Variants in COL23A1 observed in about 807,000 individuals in gnomAD.
COL23A1 encodes the protein collagen type XXIII alpha 1 chain, also known as collagen alpha-1(XXIII) chain.
COL23A1 carries 97 observed loss-of-function variants against 99.3 expected under a neutral mutation model. The ratio of observed to expected loss-of-function variants is 0.98; its 90% confidence interval spans 0.83 to 1.16. The LOEUF (loss-of-function observed/expected upper bound fraction) is 1.16, where lower values mean the gene tolerates loss of function less well. COL23A1 is among the 50% of genes most tolerant of loss of function. COL23A1 has a pLI of 0.00. For synonymous variants in COL23A1, 320 were observed against 308.2 expected, an observed-to-expected ratio of 1.04 and a Z score of -0.40; for missense variants, 762 against 757.4, an observed-to-expected ratio of 1.01 and a Z score of -0.07.
chr5:178,267,869 A>C (rs1028111770), intron 7 of COL23A1, among the ~76,000 whole-genome samples: 1 of 152,174 alleles, frequency 6.6e-6, no homozygotes, highest in Non-Finnish European at 1.5e-5. Context: ...TGAGACCATG[A>C]CCTCATGCAA....
At chr5:178,371,951 T>C (rs1241073688) in intron 2 of COL23A1, among the ~76,000 whole-genome samples, 4 of 152,216 alleles carry the variant, frequency 2.6e-5, no homozygotes, top group African/African-American at 9.6e-5. Context: ...AAAGAAAAAT[T>C]GAGCCTGGCC....
chr5:178,542,139 TCA>T (rs1191667325), intron 2 of COL23A1, among the ~76,000 whole-genome samples: 8 of 152,166 alleles, frequency 5.3e-5, no homozygotes, highest in Admixed American at 2.6e-4. Flanking sequence ...TTCTCGAGCC[TCA>T]GTCTCCCGAG....
chr5:178,445,082 A>G (rs1767085598), intron 2 of COL23A1, among the ~76,000 whole-genome samples: 4 of 152,244 alleles, frequency 2.6e-5, no homozygotes, highest in African/African-American at 7.2e-5. Context: ...ATTTGATTTA[A>G]ACACAGACTA....
At chr5:178,411,609 G>A (rs76301396) in intron 2 of COL23A1, among the ~76,000 whole-genome samples, 11,564 of 152,276 alleles carry the variant, frequency 0.076, 570 homozygotes, top group African/African-American at 0.12. Context: ...GCAGACTGGT[G>A]GTTCCCAGGA....
chr5:178,370,315 T>C (rs1048330570), intron 2 of COL23A1, among the ~76,000 whole-genome samples: 1 of 152,212 alleles, frequency 6.6e-6, no homozygotes, highest in Non-Finnish European at 1.5e-5. Context: ...GTATACACAA[T>C]GGAATACTAT....
chr5:178,530,516 CACTT>C (rs1760586357), intron 2 of COL23A1, among the ~76,000 whole-genome samples: 1 of 152,166 alleles, frequency 6.6e-6, no homozygotes, highest in South Asian at 2.1e-4. Flanking sequence ...CAGACAGAAT[CACTT>C]GCTTCTAATG....
intron 2 of COL23A1, among the ~76,000 whole-genome samples, chr5:178,449,623 C>T (rs762566064): frequency 1.3e-5 from 2 of 151,838 alleles, no homozygotes; most frequent in South Asian, 2.1e-4. Flanking sequence ...AGAACTGTCC[C>T]GGACTAAACA....
chr5:178,299,115 T>C (rs1049159054), intron 3 of COL23A1, among the ~76,000 whole-genome samples: 5 of 152,240 alleles, frequency 3.3e-5, no homozygotes, highest in Non-Finnish European at 7.3e-5. Flanking sequence ...CTATAGTTTC[T>C]TTTTTTGTGA....
chr5:178,568,605 G>C (rs964998299), intron 1 of COL23A1, among the ~76,000 whole-genome samples: 1 of 152,110 alleles, frequency 6.6e-6, no homozygotes, highest in African/African-American at 2.4e-5. Context: ...CCTAACCCCA[G>C]CTCCTGCAAC....
At chr5:178,429,992 G>C (rs1388319557) in intron 2 of COL23A1, among the ~76,000 whole-genome samples, 3 of 152,112 alleles carry the variant, frequency 2.0e-5, no homozygotes, top group South Asian at 2.1e-4. Context: ...GTCCAGGCAG[G>C]CTCTGGAGTC....
At position 178,367,118 on chromosome 5, in the gene COL23A1, G is replaced by A. The variant is rs1762525377; in HGVS notation, c.362-60199C>T. Among the ~76,000 whole-genome samples, 3 of 152,208 alleles carry A rather than the reference G, an allele frequency of 2.0e-5. No homozygotes were observed. In the South Asian group the frequency reaches 6.2e-4, roughly 31 times the overall value. On this transcript the variant is annotated intron_variant, in intron 2 of 28. Transcript: ENST00000390654. ...ACAAAATTCAGTTGCGGTCACGTCA[G>A]ACATTTCCTTTAGCCAAATCGTTAT...
chr5:178,326,772 T>C (rs1020973887), intron 2 of COL23A1, among the ~76,000 whole-genome samples: 2 of 152,342 alleles, frequency 1.3e-5, no homozygotes, highest in South Asian at 2.1e-4. Context: ...CAGGCTGGAG[T>C]GCAGTGGCGC....
intron 3 of COL23A1, among the ~76,000 whole-genome samples, chr5:178,303,013 T>C (rs1758154827): frequency 6.6e-6 from 1 of 152,212 alleles, no homozygotes; most frequent in African/African-American, 2.4e-5. Context: ...GTTTGTTTGT[T>C]TTTTCCTGAC....
intron 21 of COL23A1, 93 bp downstream of exon 21, chr5:178,247,682 C>T: frequency 3.9e-6 from 6 of 1,550,548 alleles, no homozygotes; most frequent in Middle Eastern, 1.7e-4. Flanking sequence ...AAGAAGCCCG[C>T]TCTCTCCTGG....
At chr5:178,465,352 C>G (rs907974504) in intron 2 of COL23A1, among the ~76,000 whole-genome samples, 1 of 152,132 alleles carries the variant, frequency 6.6e-6, no homozygotes, top group African/African-American at 2.4e-5. Flanking sequence ...TTAGCGTGAC[C>G]GGACTCCCTA....
chr5:178,546,283 G>A (rs1761575175), intron 2 of COL23A1, among the ~76,000 whole-genome samples: 2 of 152,150 alleles, frequency 1.3e-5, no homozygotes, highest in South Asian at 4.1e-4. Context: ...TCCCGTTCCT[G>A]CCTAAATTCC....
In COL23A1 at chr5:178,322,072, A is replaced by G. The variant is rs1016820962; in HGVS notation, c.362-15153T>C. Among the ~76,000 whole-genome samples, 15 of 151,262 alleles carry G rather than the reference A, an allele frequency of 9.9e-5. 1 individual carries two copies. The South Asian group carries it at 1.0e-3, about 11-fold the overall frequency. ...CAGTGGTGTGATCTCAGCTCACTGC[A>G]ACCTCCGCCTCCTGAGTTCAAGCGA... On this transcript the variant is annotated intron_variant, in intron 2 of 28. Transcript: ENST00000390654.
chr5:178,502,356 CT>C (rs1227554789), intron 2 of COL23A1, among the ~76,000 whole-genome samples: 2 of 152,210 alleles, frequency 1.3e-5, no homozygotes, highest in East Asian at 3.9e-4. Flanking sequence ...TGGTCTCGAT[CT>C]TCTGACCTTG....
Position 178,256,906 on chromosome 5 carries a change from G to C in COL23A1, c.797C>G (p.Pro266Arg). The change falls in exon 14 of 29, where the codon CCT becomes CGT. Residue 266 changes from proline to arginine, a missense_variant. Transcript: ENST00000390654. ...GPKGEPGSMG[P>R]RGENGVDGAP... ...ACCGTCCACACCGTTCTCTCCCCGA[G>C]GCCCCATGCTCCCTGGCTCGCCCTG... 6.2e-7 allele frequency: 1 copy of C among 1,613,668 alleles called. No individual in the cohort carries two copies. The highest frequency in any genetic ancestry group is 2.2e-5 in the East Asian group (1 of 44,852).
Sources: gnomAD v4.1 joint callset for allele counts (sites outside exome capture counted in the v4.1 genomes callset) on GRCh38, gnomAD v4.1.1 for gene constraint, MANE v1.5 for transcripts, NCBI Gene and HGNC (gene_info 2026-07-23, HGNC 2026-07-21) for gene names.